The following NTNG2 variants were observed in gnomAD, a reference collection of about 807,000 sequenced individuals.
The protein encoded by NTNG2 is netrin G2, also known as netrin-G2.
Under a neutral mutation model 47.6 loss-of-function variants are expected in NTNG2, and 15 were observed. The observed-to-expected ratio is 0.32, with a 90% CI of 0.21 to 0.49. The LOEUF (loss-of-function observed/expected upper bound fraction) is 0.49. Among genes scored for constraint, NTNG2 ranks in the 20% least tolerant of loss-of-function variants. The probability of loss-of-function intolerance (pLI) is 0.99; values close to 1 mark genes in which losing one functional copy is unlikely to be tolerated. For synonymous variants in NTNG2, 307 were observed against 324.6 expected (o/e 0.95, Z 0.58); for missense variants, 578 against 764.6 (o/e 0.76, Z 2.88).
chr9:132,241,272 G>GGGGCAGGGTTGGGATAGT (rs1841968415), intron 7 of NTNG2, among the ~76,000 whole-genome samples: 1 of 151,854 alleles, frequency 6.6e-6, no homozygotes, highest in Non-Finnish European at 1.5e-5. Context: ...TAGTGAGAGC[G>GGGGCAGGGTTGGGATAGT]GGGCAGGGTT....
Position 132,162,879 on chromosome 9 carries a change from G to GA in NTNG2, c.-484+642dup, listed in dbSNP as rs1205203518. 6.6e-6 allele frequency among the ~76,000 whole-genome samples: 1 copy of GA among 152,054 alleles called. No individual in the cohort carries two copies. Among genetic ancestry groups the GA allele is most frequent in the Non-Finnish European group, 1.5e-5 (1 of 68,000 alleles). ...ACTGGTTTGGGGCCGGCGTGGAGTCGAACCTGGAACTGAGCGGCGCGCAGG... is the reference window on the plus strand; with the variant it reads ...ACTGGTTTGGGGCCGGCGTGGAGTCGAAACCTGGAACTGAGCGGCGCGCAGG... On this transcript the variant is annotated intron_variant, in intron 1 of 7. Transcript: ENST00000393229. The surrounding 1 kb of genome is among the most constrained non-coding windows in gnomAD (Gnocchi z 4.6).
At chr9:132,173,145 G>A (rs112753487) in intron 2 of NTNG2, among the ~76,000 whole-genome samples, 3,111 of 152,262 alleles carry the variant, frequency 0.02, 112 homozygotes, top group African/African-American at 0.071. Flanking sequence ...GGATGAAGCC[G>A]GGAGGTTTGC....
At chr9:132,239,479 G>A (rs922586477) in intron 6 of NTNG2, among the ~76,000 whole-genome samples, 6 of 152,166 alleles carry the variant, frequency 3.9e-5, no homozygotes, top group Admixed American at 1.3e-4. Flanking sequence ...GCGGTTCTCC[G>A]GTAAGTTTTG....
In NTNG2 at chr9:132,215,626, G is replaced by A. The variant is rs1009220403; in HGVS notation, c.858-11223G>A. Among the ~76,000 whole-genome samples, 16 of 152,000 alleles carry A rather than the reference G, an allele frequency of 1.1e-4. No individual in the cohort carries two copies. Among genetic ancestry groups the A allele is most frequent in the African/African-American group, 3.9e-4 (16 of 41,364 alleles). ...GATAAATATCTGGCAATATGTTACT[G>A]AATCCTCCAAGAGGCCAGGGGGTGT... On this transcript the variant is annotated intron_variant, in intron 3 of 7. Coordinates refer to ENST00000393229, the MANE Select transcript of NTNG2 (RefSeq NM_032536.4). This position sits in a 1 kb window ranked among gnomAD's most constrained non-coding sequence, Gnocchi z 4.2.
At position 132,166,747 on chromosome 9, in the gene NTNG2, C is replaced by A; in HGVS notation, c.-85C>A. On this transcript the variant is annotated 5_prime_UTR_variant, in exon 2 of 8. Coordinates refer to ENST00000393229, the MANE Select transcript of NTNG2 (RefSeq NM_032536.4). ...CCCTCGCCTGGTAGATGTGGCATTT[C>A]CATGCTGAGGCCGCGAGTCCCGCCT... The A allele has an allele frequency of 7.5e-7, 1 of 1,330,916 alleles. No homozygotes were observed. The highest frequency in any genetic ancestry group is 1.1e-6 in the Non-Finnish European group (1 of 934,700). The allele number at this position is 1,330,916 out of a possible 1,614,324, so 82.4% of individuals were successfully genotyped here.
Position 132,182,168 on chromosome 9 carries a change from G to C in NTNG2, c.213+15124G>C, listed in dbSNP as rs1001223766. On this transcript the variant is annotated intron_variant, in intron 2 of 7. Transcript: ENST00000393229. This position sits in a 1 kb window ranked among gnomAD's most constrained non-coding sequence, Gnocchi z 4.2. ...ACTTATTTCATGTCTATTTGGCAGC[G>C]AGCGTGCTCCCACGCACCAGCTCTG... Among the ~76,000 whole-genome samples the C allele has an allele frequency of 1.3e-5, 2 of 152,270 alleles. No individual in the cohort carries two copies. Among genetic ancestry groups the C allele is most frequent in the African/African-American group, 4.8e-5 (2 of 41,468 alleles).
intron 4 of NTNG2, among the ~76,000 whole-genome samples, chr9:132,227,915 G>A (rs1225167333): frequency 5.3e-5 from 8 of 152,314 alleles, no homozygotes; most frequent in African/African-American, 1.4e-4. Context: ...GCCACTTTAC[G>A]GCCGTTCTCA....
At chr9:132,194,001 T>C (rs773213684) in intron 2 of NTNG2, among the ~76,000 whole-genome samples, 1 of 152,162 alleles carries the variant, frequency 6.6e-6, no homozygotes, top group Non-Finnish European at 1.5e-5. Flanking sequence ...CCAGTCAGAT[T>C]GGACTAGGGC....
chr9:132,196,440 G>A (rs1470992269), intron 2 of NTNG2, among the ~76,000 whole-genome samples: 1 of 152,060 alleles, frequency 6.6e-6, no homozygotes, highest in African/African-American at 2.4e-5. Context: ...TGATCTGCCC[G>A]CCTCGGCCTC....
chr9:132,181,960 CTG>C (rs150723669), intron 2 of NTNG2, among the ~76,000 whole-genome samples: 6 of 151,572 alleles, frequency 4.0e-5, no homozygotes, highest in Non-Finnish European at 7.4e-5. Flanking sequence ...CGGCTGTCAT[CTG>C]TGTGTGTGTG....
At chr9:132,241,688 G>A (rs1358872592) in intron 7 of NTNG2, among the ~76,000 whole-genome samples, 188 bp from the exon 8 acceptor site, 1 of 152,186 alleles carries the variant, frequency 6.6e-6, no homozygotes, top group Non-Finnish European at 1.5e-5. Context: ...AGGCAGCCGG[G>A]GGCCAGATCT....
chr9:132,193,373 G>A (rs1368713979), intron 2 of NTNG2, among the ~76,000 whole-genome samples: 4 of 152,164 alleles, frequency 2.6e-5, no homozygotes, highest in Non-Finnish European at 4.4e-5. Flanking sequence ...CTCTATGATG[G>A]ATGATGAGAG....
chr9:132,207,532 C>T (rs1233392817), intron 3 of NTNG2, among the ~76,000 whole-genome samples: 1 of 152,222 alleles, frequency 6.6e-6, no homozygotes, highest in Non-Finnish European at 1.5e-5. Flanking sequence ...GATAAGGGCC[C>T]GCCCTCCTGC....
chr9:132,186,965 G>A (rs1396512532), intron 2 of NTNG2, among the ~76,000 whole-genome samples: 1 of 152,272 alleles, frequency 6.6e-6, no homozygotes, highest in Non-Finnish European at 1.5e-5. Context: ...TGTGGGCAGG[G>A]TTGAAAGGCC....
chr9:132,190,190 G>A (rs748128127), intron 2 of NTNG2, among the ~76,000 whole-genome samples: 2 of 128,018 alleles, frequency 1.6e-5, no homozygotes, highest in African/African-American at 6.1e-5. Context: ...CCGAGATAGC[G>A]CCACTGCACT....
At chr9:132,239,862 C>T (rs1841873872) in intron 6 of NTNG2, among the ~76,000 whole-genome samples, 1 of 152,250 alleles carries the variant, frequency 6.6e-6, no homozygotes, top group South Asian at 2.1e-4. Flanking sequence ...TCTTCAAATG[C>T]TTTACCAGCC....
rs192824158 is a variant in NTNG2, at chr9:132,164,629, A to G, written c.-483-1720A>G. ...TACTACATTTTCTCAGGTTGCAAAA[A>G]TAGACACCGGGCACGTTCTGTCTTA... is the stretch of plus-strand genomic sequence containing the variant. On this transcript the variant is annotated intron_variant, in intron 1 of 7. Coordinates refer to ENST00000393229, the MANE Select transcript of NTNG2 (RefSeq NM_032536.4). 5.9e-5 allele frequency among the ~76,000 whole-genome samples: 9 copies of G among 152,400 alleles called. 1 individual carries two copies. Among genetic ancestry groups the G allele is most frequent in the African/African-American group, 2.2e-4 (9 of 41,600 alleles).
chr9:132,177,471 T>C (rs1836553810), intron 2 of NTNG2, among the ~76,000 whole-genome samples: 1 of 152,258 alleles, frequency 6.6e-6, no homozygotes, highest in African/African-American at 2.4e-5. Context: ...AGTTAATTTT[T>C]GTATCTGGTG....
rs1008079766 is a variant in NTNG2 at position 132,215,915 on chromosome 9, C to T, written c.858-10934C>T. ...CAACAATAATAATAGCTGACGTTTCCGGAGGGCATGCTCTGTGCCAGACCC... is the reference window on the plus strand; with the variant it reads ...CAACAATAATAATAGCTGACGTTTCTGGAGGGCATGCTCTGTGCCAGACCC... On this transcript the variant is annotated intron_variant, in intron 3 of 7. Coordinates refer to ENST00000393229, the MANE Select transcript of NTNG2 (RefSeq NM_032536.4). This position sits in a 1 kb window ranked among gnomAD's most constrained non-coding sequence, Gnocchi z 4.2. 2.0e-5 allele frequency among the ~76,000 whole-genome samples: 3 copies of T among 152,120 alleles called. No individual in the cohort carries two copies. The highest frequency in any genetic ancestry group is 2.9e-5 in the Non-Finnish European group (2 of 68,022).
Sources: gnomAD v4.1 joint callset for allele counts (sites outside exome capture counted in the v4.1 genomes callset) on GRCh38, gnomAD v4.1.1 for gene constraint, Gnocchi (gnomAD v3.1) non-coding constraint, MANE v1.5 for transcripts, NCBI Gene and HGNC (gene_info 2026-07-23, HGNC 2026-07-21) for gene names.